Variants in ITGA9 observed in about 807,000 individuals in gnomAD.
ITGA9 encodes integrin subunit alpha 9.
Under a neutral mutation model 127.8 loss-of-function variants are expected in ITGA9, and 56 were observed. The ratio of observed to expected loss-of-function variants is 0.44; its 90% CI spans 0.35 to 0.55. The LOEUF is 0.55. Ranked by LOEUF, ITGA9 falls within the 20% of genes least tolerant of loss-of-function variation. ITGA9 has a pLI of 0.00. For missense variants in ITGA9, 1,196 were observed against 1,347.1 expected, an observed-to-expected ratio of 0.89 and a Z score of 1.76; for synonymous variants, 508 against 514.5, an observed-to-expected ratio of 0.99 and a Z score of 0.17.
chr3:37,494,273 C>T (rs1559520021), intron 4 of ITGA9, among the ~76,000 whole-genome samples: 1 of 152,202 alleles, frequency 6.6e-6, no homozygotes, highest in Non-Finnish European at 1.5e-5. Flanking sequence ...GGGAGGAAGT[C>T]TGCTGGGGCA....
rs1267563741 is a variant in ITGA9 at position 37,629,900 on chromosome 3, C to T, written c.1839+564C>T. Among the ~76,000 whole-genome samples the T allele has an allele frequency of 6.6e-6, 1 of 152,168 alleles. No homozygotes were observed. The highest frequency in any genetic ancestry group is 1.5e-5 in the Non-Finnish European group (1 of 68,024). On this transcript the variant is annotated intron_variant, in intron 16 of 27. Transcript: ENST00000264741. The surrounding 1 kb of genome is among the most constrained non-coding windows in gnomAD (Gnocchi z 4.5). ...ATCACTCGTATGAAGTAGGAGTGAG[C>T]CTGTGCCTGATTTTGTGCAGCAGCG...
At chr3:37,803,723 G>A (rs1017946534) in intron 26 of ITGA9, 100 bp from the exon 27 acceptor site, 7 of 1,402,616 alleles carry the variant, frequency 5.0e-6, no homozygotes, top group South Asian at 1.2e-5. Context: ...GCAGTGAGCC[G>A]AGATTGTGCC....
intron 4 of ITGA9, 147 bp downstream of exon 4, chr3:37,481,754 T>C: frequency 8.6e-7 from 1 of 1,158,296 alleles, no homozygotes; most frequent in South Asian, 1.3e-5. Context: ...AGATGGTCTC[T>C]TGGTCCCCAA....
chr3:37,728,006 C>A (rs1248880454), intron 18 of ITGA9, among the ~76,000 whole-genome samples: 2 of 152,162 alleles, frequency 1.3e-5, no homozygotes, highest in Admixed American at 1.3e-4. Context: ...ATTTGATTTG[C>A]ATTGTATTGT....
At chr3:37,529,619 A>G (rs981901291) in intron 13 of ITGA9, among the ~76,000 whole-genome samples, 3 of 152,206 alleles carry the variant, frequency 2.0e-5, no homozygotes, top group African/African-American at 7.2e-5. Context: ...AACGTCTTTG[A>G]GCCATTTTCT....
intron 15 of ITGA9, among the ~76,000 whole-genome samples, chr3:37,591,002 C>T (rs1475878133): frequency 1.3e-5 from 2 of 152,164 alleles, no homozygotes; most frequent in Non-Finnish European, 2.9e-5. Flanking sequence ...CTGCTCTGCC[C>T]CACCCTGTCC....
chr3:37,578,623 C>T (rs1480264065), intron 15 of ITGA9, among the ~76,000 whole-genome samples: 2 of 152,172 alleles, frequency 1.3e-5, no homozygotes, highest in Non-Finnish European at 2.9e-5. Flanking sequence ...ACCATTCTCC[C>T]ATTGGCCCTG....
chr3:37,620,011 C>A (rs888868011), intron 15 of ITGA9, among the ~76,000 whole-genome samples: 1 of 152,178 alleles, frequency 6.6e-6, no homozygotes, highest in African/African-American at 2.4e-5. Context: ...GGCCAATTCA[C>A]GCCATCCTTT....
intron 15 of ITGA9, among the ~76,000 whole-genome samples, chr3:37,603,593 G>T (rs1699941816): frequency 6.6e-6 from 1 of 152,166 alleles, no homozygotes; most frequent in Non-Finnish European, 1.5e-5. Flanking sequence ...ACTGAGGCAT[G>T]CTATTAAGCT....
intron 8 of ITGA9, among the ~76,000 whole-genome samples, chr3:37,509,501 G>A (rs765188487): frequency 3.9e-5 from 6 of 152,028 alleles, no homozygotes; most frequent in Non-Finnish European, 8.8e-5. Context: ...ATGGGAGGAG[G>A]CCATGTGCCT....
chr3:37,773,596 T>C (rs1477929678), intron 23 of ITGA9, among the ~76,000 whole-genome samples: 1 of 152,084 alleles, frequency 6.6e-6, no homozygotes, highest in Non-Finnish European at 1.5e-5. Context: ...CTCTCTTTTT[T>C]TTTTTGCCAA....
At chr3:37,580,698 A>T (rs955226313) in intron 15 of ITGA9, among the ~76,000 whole-genome samples, 22 of 151,678 alleles carry the variant, frequency 1.5e-4, no homozygotes, top group African/African-American at 5.1e-4. Flanking sequence ...TTTATCCTGG[A>T]TGTGCTCCTG....
intron 4 of ITGA9, among the ~76,000 whole-genome samples, chr3:37,491,067 C>T (rs142945931): frequency 0.023 from 3,458 of 150,900 alleles, 55 homozygotes; most frequent in Non-Finnish European, 0.035. Flanking sequence ...ACCTCTGCCT[C>T]CCAGACTCAA....
At chr3:37,512,031 T>TTC (rs1308490374) in intron 8 of ITGA9, among the ~76,000 whole-genome samples, 1 of 36,476 alleles carries the variant, frequency 2.7e-5, no homozygotes, top group African/African-American at 8.2e-5. Flanking sequence ...TTCTTTTCTT[T>TTC]CTTTCTTTCT....
intron 1 of ITGA9, among the ~76,000 whole-genome samples, chr3:37,460,068 A>G (rs775551204): frequency 2.6e-5 from 4 of 152,112 alleles, no homozygotes; most frequent in South Asian, 2.1e-4. Context: ...GCAATATTCC[A>G]TGTATCCCTC....
intron 15 of ITGA9, among the ~76,000 whole-genome samples, chr3:37,590,493 G>A (rs1328414453): frequency 1.3e-5 from 2 of 152,186 alleles, no homozygotes; most frequent in Non-Finnish European, 2.9e-5. Context: ...AGCTCAGTCC[G>A]AAGACACATT....
intron 17 of ITGA9, among the ~76,000 whole-genome samples, chr3:37,681,773 C>T (rs1196015955): frequency 1.3e-5 from 2 of 152,074 alleles, no homozygotes; most frequent in African/African-American, 4.8e-5. Context: ...GCCTTATCAC[C>T]GTTCTCATCC....
chr3:37,719,838 G>A (rs1487983434), intron 18 of ITGA9, among the ~76,000 whole-genome samples: 7 of 152,112 alleles, frequency 4.6e-5, no homozygotes, highest in Non-Finnish European at 8.8e-5. Context: ...TTGTCCCAAA[G>A]TCTGCTCAGA....
At chr3:37,461,135 G>A (rs1374426753) in intron 1 of ITGA9, among the ~76,000 whole-genome samples, 2 of 152,126 alleles carry the variant, frequency 1.3e-5, no homozygotes, top group Non-Finnish European at 2.9e-5. Flanking sequence ...GAGGGTGGAT[G>A]TTCCAGATTC....
Sources: gnomAD v4.1 joint callset for allele counts (sites outside exome capture counted in the v4.1 genomes callset) on GRCh38, gnomAD v4.1.1 for gene constraint, Gnocchi (gnomAD v3.1) non-coding constraint, MANE v1.5 for transcripts, NCBI Gene and HGNC (gene_info 2026-07-23, HGNC 2026-07-21) for gene names.